Variants in ZNF653 observed in about 807,000 individuals in gnomAD.
ZNF653 encodes zinc finger protein 653, also known as 67 kDa zinc finger protein.
Under a neutral mutation model 59.9 loss-of-function variants are expected in ZNF653, and 37 were observed. The observed-to-expected ratio is 0.62, with a 90% CI of 0.48 to 0.81. The LOEUF (loss-of-function observed/expected upper bound fraction) is 0.81, where lower values mean the gene tolerates loss of function less well. Ranked by LOEUF, ZNF653 falls within the 40% of genes least tolerant of loss-of-function variation. The pLI is 0.00. For missense variants in ZNF653, 808 were observed against 881.1 expected, an observed-to-expected ratio of 0.92 and a Z score of 1.05; for synonymous variants, 435 against 371.8, an observed-to-expected ratio of 1.17 and a Z score of -1.96.
chr19:11,500,223 T>C (rs1427237726), intron 1 of ZNF653, among the ~76,000 whole-genome samples: 1 of 152,174 alleles, frequency 6.6e-6, no homozygotes, highest in Non-Finnish European at 1.5e-5. Flanking sequence ...CCATCTTTCC[T>C]GCCCCAGGCT....
intron 1 of ZNF653, among the ~76,000 whole-genome samples, chr19:11,501,986 G>GGTTTCAATATGCTGGC (rs1208165409): frequency 6.6e-6 from 1 of 151,964 alleles, no homozygotes; most frequent in Non-Finnish European, 1.5e-5. Context: ...GTAGAGACGG[G>GGTTTCAATATGCTGGC]GTTTCAATAT....
chr19:11,496,053 C>T lies in ZNF653; in HGVS notation c.456G>A (p.Leu152=), dbSNP rs147759900. ...HLAELDPTFG[L]YTTAVWQCEA... is the part of the protein sequence containing the mutation. ...CGCACTGCCACACGGCCGTGGTGTA[C>T]AGGCCAAAAGTGGGGTCTAGCTCCG... The change falls in exon 3 of 9, where the codon CTG becomes CTA. Residue 152 remains leucine, a synonymous_variant. Transcript: ENST00000293771. 15 of 1,614,170 alleles carry T rather than the reference C, an allele frequency of 9.3e-6. No individual in the cohort carries two copies. Among genetic ancestry groups the T allele is most frequent in the Middle Eastern group, 1.6e-4 (1 of 6,062 alleles).
intron 7 of ZNF653, among the ~76,000 whole-genome samples, chr19:11,485,058 C>G (rs1343043681): frequency 6.6e-6 from 1 of 151,016 alleles, no homozygotes; most frequent in Non-Finnish European, 1.5e-5. Context: ...TAACCACACA[C>G]ACATTAAAAA....
rs748960646 is a variant in ZNF653 at position 11,484,146 on chromosome 19, G to A, written c.1571-5C>T. The A allele has an allele frequency of 3.9e-6, 6 of 1,551,494 alleles. No homozygotes were observed. Among genetic ancestry groups the A allele is most frequent in the Non-Finnish European group, 5.2e-6 (6 of 1,147,132 alleles). On this transcript the variant is annotated splice_region_variant and splice_polypyrimidine_tract_variant and intron_variant, in intron 7 of 8. Coordinates refer to ENST00000293771, the MANE Select transcript of ZNF653 (RefSeq NM_138783.4). ...CGCAGGTGAATTCACGGACACCTGG[G>A]GGCGGTGGGGACCGAGGCTGAGGAC...
At chr19:11,484,697 G>C (rs547176364) in intron 7 of ZNF653, among the ~76,000 whole-genome samples, 190 of 152,046 alleles carry the variant, frequency 1.2e-3, no homozygotes, top group African/African-American at 4.3e-3. Context: ...CACCACGCCC[G>C]GCCTTGTCCC....
In ZNF653 at chr19:11,487,794, C is replaced by G; in HGVS notation, c.669G>C (p.Ala223=). The G allele has an allele frequency of 6.2e-7, 1 of 1,611,228 alleles. No homozygotes were observed. Among genetic ancestry groups the G allele is most frequent in the Non-Finnish European group, 8.5e-7 (1 of 1,179,340 alleles). ...CCACCGGGCTGGTGGGCGTCGCTGCCGCTGCCGCTGCCGCAGCCTTGACCG... is the reference window on the plus strand; with the variant it reads ...CCACCGGGCTGGTGGGCGTCGCTGCGGCTGCCGCTGCCGCAGCCTTGACCG... ...GQPVKAAAAA[A]AATPTSPVGS... is the part of the protein sequence containing the mutation. The change falls in exon 4 of 9, where the codon GCG becomes GCC. Residue 223 remains alanine (A), a synonymous_variant. Coordinates refer to ENST00000293771, the MANE Select transcript of ZNF653 (RefSeq NM_138783.4). The surrounding 1 kb of genome is among the most constrained non-coding windows in gnomAD (Gnocchi z 5.1).
Position 11,487,719 on chromosome 19 carries a change from G to T in ZNF653, c.744C>A (p.Val248=). The T allele has an allele frequency of 1.2e-6, 2 of 1,613,676 alleles. No homozygotes were observed. Among genetic ancestry groups the T allele is most frequent in the Non-Finnish European group, 1.7e-6 (2 of 1,179,940 alleles). Residue 248 remains valine (V), a synonymous_variant, in exon 4 of 9, where the codon GTC becomes GTA. Transcript: ENST00000293771. The surrounding 1 kb of genome is among the most constrained non-coding windows in gnomAD (Gnocchi z 5.1). ...TQEGVHIPFD[V]HHVESLAEQG... ...GCTCGGCCAGGCTTTCCACGTGGTG[G>T]ACGTCAAAGGGAATGTGCACGCCCT...
intron 1 of ZNF653, among the ~76,000 whole-genome samples, chr19:11,499,874 C>T (rs1173700177): frequency 6.6e-6 from 1 of 152,106 alleles, no homozygotes; most frequent in East Asian, 1.9e-4. Context: ...GATCACACCA[C>T]TGCACTCCAA....
Position 11,495,608 on chromosome 19 carries a change from C to T in ZNF653, c.559+342G>A, listed in dbSNP as rs1200352933. On this transcript the variant is annotated intron_variant, in intron 3 of 8. Coordinates refer to ENST00000293771, the MANE Select transcript of ZNF653 (RefSeq NM_138783.4). This position sits in a 1 kb window ranked among gnomAD's most constrained non-coding sequence, Gnocchi z 4.9. The stretch of plus-strand genomic sequence containing the variant: ...CTGGGTGGTTTAGGCGGCCGTTTCG[C>T]TGTGGGGGCCGAGCCCTGCCCCAGC... 8.3e-6 allele frequency: 3 copies of T among 360,088 alleles called. No individual in the cohort carries two copies. The highest frequency in any genetic ancestry group is 1.6e-5 in the Non-Finnish European group (3 of 189,906). 22.3% of individuals were successfully genotyped at this position (360,088 alleles called of 1,614,324 possible).
At position 11,487,095 on chromosome 19, in the gene ZNF653, G is replaced by T. The variant is rs1352440642; in HGVS notation, c.1235C>A (p.Ala412Glu). 6.2e-7 allele frequency: 1 copy of T among 1,613,838 alleles called. No individual in the cohort carries two copies. The highest frequency in any genetic ancestry group is 1.7e-5 in the Admixed American group (1 of 60,036). Reference sequence around the variant, plus strand: ...CTCTGCGCTCTCAGGCACCGTTGTTGCCAGCTCCGGGGCTACTGGCTCCTC... The same window carrying T: ...CTCTGCGCTCTCAGGCACCGTTGTTTCCAGCTCCGGGGCTACTGGCTCCTC... ...EKEEPVAPEL[A>E]TTVPESAEPE... Residue 412 changes from alanine to glutamate, a missense_variant, in exon 5 of 9, where the codon GCA becomes GAA. Physicochemically the swap from Ala to Glu is moderately radical, Grantham distance 107 (BLOSUM62 -1). Coordinates refer to ENST00000293771, the MANE Select transcript of ZNF653 (RefSeq NM_138783.4). The surrounding 1 kb of genome is among the most constrained non-coding windows in gnomAD (Gnocchi z 5.1).
Position 11,505,765 on chromosome 19 carries a change from G to A in ZNF653, c.22C>T (p.Pro8Ser), listed in dbSNP as rs1041618266. MAERALE[P>S]EAEAEAEAGA... ...GCCTCAGCCTCCGCCTCCGCCTCGG[G>A]CTCTAGCGCCCGCTCCGCCATCCCC... Residue 8 changes from proline (P) to serine (S), a missense_variant, in exon 1 of 9, where the codon CCC becomes TCC. Coordinates refer to ENST00000293771, the MANE Select transcript of ZNF653 (RefSeq NM_138783.4). 4 of 1,422,450 alleles carry A rather than the reference G, an allele frequency of 2.8e-6. No individual in the cohort carries two copies. The highest frequency in any genetic ancestry group is 3.6e-6 in the Non-Finnish European group (4 of 1,098,820). 88.1% of individuals were successfully genotyped at this position (1,422,450 alleles called of 1,614,324 possible). A position where few individuals can be genotyped will look rare whatever the true frequency, so the allele number is the denominator to read the frequency against.
At chr19:11,499,737 C>T (rs966124118) in intron 1 of ZNF653, among the ~76,000 whole-genome samples, 1 of 151,586 alleles carries the variant, frequency 6.6e-6, no homozygotes, top group Admixed American at 6.6e-5. Flanking sequence ...CACAGTGAAA[C>T]CCCATCTCCA....
In ZNF653 at chr19:11,505,832, C is replaced by G; in HGVS notation, c.-46G>C. On this transcript the variant is annotated 5_prime_UTR_variant, in exon 1 of 9. Transcript: ENST00000293771. ...GCCTCCCCCGTTGTTAGGAGCCAGA[C>G]CGGAAGTGGCGCGCATCTTCGGCGC... is the stretch of plus-strand genomic sequence containing the variant. 3 of 1,300,450 alleles carry G rather than the reference C, an allele frequency of 2.3e-6. No individual in the cohort carries two copies. The highest frequency in any genetic ancestry group is 3.0e-6 in the Non-Finnish European group (3 of 1,005,948). 80.6% of individuals were successfully genotyped at this position (1,300,450 alleles called of 1,614,324 possible). A position where few individuals can be genotyped will look rare whatever the true frequency, so the allele number is the denominator to read the frequency against.
Position 11,483,444 on chromosome 19 carries a change from T to C in ZNF653, c.*238A>G. On this transcript the variant is annotated 3_prime_UTR_variant, in exon 9 of 9. Coordinates refer to ENST00000293771, the MANE Select transcript of ZNF653 (RefSeq NM_138783.4). Reference sequence around the variant, plus strand: ...GAAGGGCATCTCCTTTCTCGCTCTTTAATCTCACTCTGCTCTCTTGACACA... The same window carrying C: ...GAAGGGCATCTCCTTTCTCGCTCTTCAATCTCACTCTGCTCTCTTGACACA... 4 of 1,337,198 alleles carry C rather than the reference T, an allele frequency of 3.0e-6. No homozygotes were observed. The highest frequency in any genetic ancestry group is 3.8e-6 in the Non-Finnish European group (4 of 1,044,962). 82.8% of individuals were successfully genotyped at this position (1,337,198 alleles called of 1,614,324 possible). A position where few individuals can be genotyped will look rare whatever the true frequency, so the allele number is the denominator to read the frequency against.
At position 11,495,050 on chromosome 19, in the gene ZNF653, C is replaced by T. The variant is rs952294872; in HGVS notation, c.559+900G>A. 2.2e-4 allele frequency among the ~76,000 whole-genome samples: 33 copies of T among 152,208 alleles called. No individual in the cohort carries two copies. Among genetic ancestry groups the T allele is most frequent in the Non-Finnish European group, 4.0e-4 (27 of 68,038 alleles). ...GCCCACCCGGAACACCTCTCGCCCC[C>T]GGCTTCCCCTCGGCCAGCTGGGATG... On this transcript the variant is annotated intron_variant, in intron 3 of 8. Transcript: ENST00000293771. The surrounding 1 kb of genome is among the most constrained non-coding windows in gnomAD (Gnocchi z 4.9).
chr19:11,483,604 C>T lies in ZNF653; in HGVS notation c.*78G>A. 6.5e-7 allele frequency: 1 copy of T among 1,533,870 alleles called. No homozygotes were observed. Among genetic ancestry groups the T allele is most frequent in the South Asian group, 1.2e-5 (1 of 81,066 alleles). ...CGGCCCGCGGTCCGGGCGGCCCTCG[C>T]AGCTGTCCAGGCCCCGGCAAGCCCG... On this transcript the variant is annotated 3_prime_UTR_variant, in exon 9 of 9. Coordinates refer to ENST00000293771, the MANE Select transcript of ZNF653 (RefSeq NM_138783.4).
Position 11,495,844 on chromosome 19 carries a change from G to C in ZNF653, c.559+106C>G. ...GCTCTGCCCCAGTGCCAGAGCCAGAGCCAGAGCCACTGTGGCTGCTATTCT... is the reference window on the plus strand; with the variant it reads ...GCTCTGCCCCAGTGCCAGAGCCAGACCCAGAGCCACTGTGGCTGCTATTCT... On this transcript the variant is annotated intron_variant, in intron 3 of 8. Coordinates refer to ENST00000293771, the MANE Select transcript of ZNF653 (RefSeq NM_138783.4). This position sits in a 1 kb window ranked among gnomAD's most constrained non-coding sequence, Gnocchi z 4.9. 8.1e-7 allele frequency: 1 copy of C among 1,227,074 alleles called. No homozygotes were observed. The highest frequency in any genetic ancestry group is 1.1e-6 in the Non-Finnish European group (1 of 880,222). 76.0% of individuals were successfully genotyped at this position (1,227,074 alleles called of 1,614,324 possible).
At position 11,495,837 on chromosome 19, in the gene ZNF653, A is replaced by G. The variant is rs549485269; in HGVS notation, c.559+113T>C. ...TGTCCCTGCTCTGCCCCAGTGCCAGAGCCAGAGCCAGAGCCACTGTGGCTG... is the reference window on the plus strand; with the variant it reads ...TGTCCCTGCTCTGCCCCAGTGCCAGGGCCAGAGCCAGAGCCACTGTGGCTG... On this transcript the variant is annotated intron_variant, in intron 3 of 8. Transcript: ENST00000293771. The surrounding 1 kb of genome is among the most constrained non-coding windows in gnomAD (Gnocchi z 4.9). The G allele has an allele frequency of 8.9e-7, 1 of 1,122,650 alleles. No individual in the cohort carries two copies. Among genetic ancestry groups the G allele is most frequent in the East Asian group, 2.6e-5 (1 of 38,752 alleles). The allele number at this position is 1,122,650 out of a possible 1,614,324, so 69.5% of individuals were successfully genotyped here.
At chr19:11,504,572 G>T (rs946249732) in intron 1 of ZNF653, 11 of 985,252 alleles carry the variant, frequency 1.1e-5, no homozygotes, top group South Asian at 4.7e-5. Flanking sequence ...TGGGAAAGGG[G>T]TGGGTATAAC....
Sources: allele counts gnomAD v4.1 joint callset (sites outside exome capture counted in the v4.1 genomes callset), GRCh38; gene constraint gnomAD v4.1.1; non-coding constraint Gnocchi (gnomAD v3.1); transcripts MANE v1.5; gene names NCBI Gene and HGNC (gene_info 2026-07-23, HGNC 2026-07-21).